DDHD2: variants seen among roughly 807,000 people sequenced by gnomAD.
DDHD2 encodes the protein DDHD domain containing 2.
In DDHD2, 62 loss-of-function variants were observed where a neutral mutation model predicts 91.2. The ratio of observed to expected loss-of-function variants is 0.68; its 90% CI spans 0.55 to 0.84. The LOEUF is 0.84. Ranked by LOEUF, DDHD2 falls within the 40% of genes least tolerant of loss-of-function variation. The probability of loss-of-function intolerance (pLI) is 0.00; values close to 1 mark genes in which losing one functional copy is unlikely to be tolerated. For synonymous variants in DDHD2, 271 were observed against 293.9 expected, an observed-to-expected ratio of 0.92 and a Z score of 0.80; for missense variants, 740 against 846.9, an observed-to-expected ratio of 0.87 and a Z score of 1.57.
chr8:38,233,824 G>A (rs553848595), intron 2 of DDHD2, among the ~76,000 whole-genome samples: 146 of 151,856 alleles, frequency 9.6e-4, no homozygotes, highest in African/African-American at 3.3e-3. Flanking sequence ...AGCTACCTGG[G>A]AGGCTGAGGC....
At chr8:38,240,009 C>G (rs1358770625) in intron 5 of DDHD2, among the ~76,000 whole-genome samples, 1 of 151,494 alleles carries the variant, frequency 6.6e-6, no homozygotes, top group Admixed American at 6.6e-5. Flanking sequence ...AGCCGTGAGC[C>G]ACCGCGCCCA....
chr8:38,255,194 CA>C (rs34259167), intron 16 of DDHD2: 8,808 of 117,874 alleles, frequency 0.075, no homozygotes, highest in South Asian at 0.14. Context: ...GACTCCATCT[CA>C]AAAAAAAAAA....
chr8:38,267,184 A>G (rs768337798), downstream of DDHD2: 9 of 1,610,776 alleles, frequency 5.6e-6, no homozygotes, highest in Non-Finnish European at 7.6e-6. Context: ...GAGTAGTCAG[A>G]TTTTCCCATC....
chr8:38,272,370 T>C (rs2130974154), downstream of DDHD2: 1 of 152,310 alleles, frequency 6.6e-6, no homozygotes, highest in East Asian at 1.9e-4. Flanking sequence ...AAAACCCACC[T>C]CACTCCTGTA....
At chr8:38,263,872 A>C, downstream of DDHD2, 4 of 985,282 alleles carry the variant, frequency 4.1e-6, no homozygotes, top group Non-Finnish European at 4.8e-6. Flanking sequence ...AACACTGTAG[A>C]TCTTCAGATA....
At chr8:38,268,716 C>T (rs1394129909) in intron 1 of DDHD2, 5 of 1,433,550 alleles carry the variant, frequency 3.5e-6, no homozygotes, top group Non-Finnish European at 4.6e-6. Context: ...ACCCTCCTCT[C>T]TCAATCAGGA....
chr8:38,268,881 C>CAA (rs1488349237), intron 1 of DDHD2: 4 of 1,550,956 alleles, frequency 2.6e-6, no homozygotes, highest in Non-Finnish European at 2.6e-6. Context: ...TCTCCACGCA[C>CAA]AAACATCGGC....
At chr8:38,233,243 CAA>C in intron 2 of DDHD2, 29 bp downstream of exon 2, 1 of 1,537,000 alleles carries the variant, frequency 6.5e-7, no homozygotes, top group South Asian at 1.1e-5. Flanking sequence ...TTGGAATAGA[CAA>C]AGACTCTCCC....
intron 16 of DDHD2, among the ~76,000 whole-genome samples, chr8:38,257,238 GTTTTTTTTTT>G (rs749469533): frequency 9.4e-5 from 6 of 63,802 alleles, no homozygotes; most frequent in African/African-American, 1.0e-4. Context: ...TGGCCAACAA[GTTTTTTTTTT>G]TTTTTTTTTT....
intron 3 of DDHD2, among the ~76,000 whole-genome samples, chr8:38,235,731 A>C (rs1350935839): frequency 6.6e-6 from 1 of 151,564 alleles, no homozygotes; most frequent in Non-Finnish European, 1.5e-5. Context: ...AAAAAAAAAA[A>C]AAAAACTGGT....
rs74689881 is a variant in DDHD2 at position 38,249,455 on chromosome 8, GT to G, written c.1249-235del. ...AAGTCCTTAGATACCCAACTTCTCT[GT>G]TTTTTTTTTTTTTTTTTAACAATAA... On this transcript the variant is annotated intron_variant, in intron 10 of 17. Transcript: ENST00000397166. Among the ~76,000 whole-genome samples, 2,245 of 108,636 alleles carry G rather than the reference GT, an allele frequency of 0.021. 23 individuals carry two copies. Among genetic ancestry groups the G allele is most frequent in the African/African-American group, 0.034 (1,014 of 30,206 alleles). The allele number at this position is 108,636 out of a possible 152,430, so 71.3% of individuals were successfully genotyped here. A position where few individuals can be genotyped will look rare whatever the true frequency, so the allele number is the denominator to read the frequency against.
At chr8:38,234,620 T>G (rs776316461) in intron 3 of DDHD2, 36 bp downstream of exon 3, 4 of 1,483,834 alleles carry the variant, frequency 2.7e-6, no homozygotes, top group Non-Finnish European at 3.6e-6. Flanking sequence ...TATTCTTTCT[T>G]TCTCTTATTT....
At chr8:38,247,900 T>C (rs906658210) in intron 10 of DDHD2, 65 bp downstream of exon 10, 3 of 1,278,584 alleles carry the variant, frequency 2.3e-6, no homozygotes, top group Non-Finnish European at 3.2e-6. Flanking sequence ...TCGTGTTTAC[T>C]AAGAGCCTAC....
At chr8:38,267,445 T>G (rs1807819425), downstream of DDHD2, 4 of 1,596,558 alleles carry the variant, frequency 2.5e-6, no homozygotes, top group Non-Finnish European at 3.4e-6. Flanking sequence ...GAAATTATTT[T>G]TCAGTTGTAG....
intron 3 of DDHD2, among the ~76,000 whole-genome samples, chr8:38,236,093 A>G (rs1462015201): frequency 6.6e-6 from 1 of 152,030 alleles, no homozygotes; most frequent in East Asian, 1.9e-4. Context: ...GCTCATTGCA[A>G]GCTCTGCCTC....
intron 5 of DDHD2, chr8:38,238,888 C>T (rs1161454128): frequency 3.3e-5 from 6 of 180,440 alleles, no homozygotes; most frequent in Non-Finnish European, 6.4e-5. Flanking sequence ...GTGCATGCAA[C>T]CTGATGATGT....
At chr8:38,266,776 A>C (rs1322022314), downstream of DDHD2, among the ~76,000 whole-genome samples, 1 of 152,206 alleles carries the variant, frequency 6.6e-6, no homozygotes, top group Non-Finnish European at 1.5e-5. Flanking sequence ...AAAAAGAAAA[A>C]TGAAGGACTT....
At chr8:38,243,291 T>C (rs1805382723) in intron 7 of DDHD2, among the ~76,000 whole-genome samples, 2 of 152,230 alleles carry the variant, frequency 1.3e-5, no homozygotes, top group Admixed American at 6.5e-5. Context: ...ATATGAATTC[T>C]GTTTGCTTTT....
chr8:38,254,987 A>C (rs1806398425), intron 16 of DDHD2, among the ~76,000 whole-genome samples: 1 of 152,126 alleles, frequency 6.6e-6, no homozygotes, highest in South Asian at 2.1e-4. Flanking sequence ...TGTTTTAAAA[A>C]TGAAAGCTCA....
Sources: gnomAD v4.1 joint callset for allele counts (sites outside exome capture counted in the v4.1 genomes callset) on GRCh38, gnomAD v4.1.1 for gene constraint, MANE v1.5 for transcripts, NCBI Gene and HGNC (gene_info 2026-07-23, HGNC 2026-07-21) for gene names.